The following ARHGEF10 variants were observed in gnomAD, a reference collection of about 807,000 sequenced individuals.
ARHGEF10 encodes the protein Rho guanine nucleotide exchange factor (GEF) 10.
A neutral mutation model predicts 147.4 loss-of-function variants in ARHGEF10; 140 were observed. The ratio of observed to expected loss-of-function variants is 0.95; its 90% CI spans 0.83 to 1.09. The LOEUF (loss-of-function observed/expected upper bound fraction) is 1.09. ARHGEF10 is among the 50% of genes least tolerant of loss of function. The pLI is 0.00. For missense variants in ARHGEF10, 2,222 were observed against 1,752.7 expected, an observed-to-expected ratio of 1.27 and a Z score of -4.78; for synonymous variants, 902 against 695.8, an observed-to-expected ratio of 1.30 and a Z score of -4.67.
intron 15 of ARHGEF10, among the ~76,000 whole-genome samples, chr8:1,901,392 C>T (rs1179501215): frequency 6.6e-6 from 1 of 152,168 alleles, no homozygotes; most frequent in Non-Finnish European, 1.5e-5. Context: ...AAGACAGGTG[C>T]TGTGAAGCCA....
In ARHGEF10 at chr8:1,864,211, T is replaced by C. The variant is rs953137439; in HGVS notation, c.482-162T>C. 3.3e-5 allele frequency among the ~76,000 whole-genome samples: 5 copies of C among 152,368 alleles called. No homozygotes were observed. In the South Asian group the frequency reaches 8.3e-4, roughly 25 times the overall value. Reference sequence around the variant, plus strand: ...TTAGATTCCAGTCTTGAATACATTTTATCTAAGAGCTAAAAATTTTTAAGT... The same window carrying C: ...TTAGATTCCAGTCTTGAATACATTTCATCTAAGAGCTAAAAATTTTTAAGT... On this transcript the variant is annotated intron_variant, in intron 4 of 28. Coordinates refer to ENST00000349830, the MANE Select transcript of ARHGEF10 (RefSeq NM_014629.4).
intron 27 of ARHGEF10, among the ~76,000 whole-genome samples, chr8:1,951,336 C>T (rs972480741): frequency 6.6e-6 from 1 of 152,232 alleles, no homozygotes; most frequent in Non-Finnish European, 1.5e-5. Context: ...GTAACAGCAC[C>T]GGCTTACGTA....
At chr8:1,869,776 G>C in intron 7 of ARHGEF10, 1 of 202,286 alleles carries the variant, frequency 4.9e-6, no homozygotes, top group South Asian at 7.8e-5. Context: ...CAACTGGAGA[G>C]AAAACATGGC....
intron 4 of ARHGEF10, among the ~76,000 whole-genome samples, chr8:1,862,864 C>T (rs1165814304): frequency 4.0e-5 from 6 of 150,874 alleles, no homozygotes; most frequent in Admixed American, 1.3e-4. Context: ...CTGCAAGCTC[C>T]GCCTCCCGGG....
In ARHGEF10 at chr8:1,906,444, A is replaced by G. The variant is rs527326400; in HGVS notation, c.1967+728A>G. Among the ~76,000 whole-genome samples the G allele has an allele frequency of 2.6e-5, 4 of 152,266 alleles. No homozygotes were observed. In the South Asian group the frequency reaches 6.2e-4, roughly 24 times the overall value. The stretch of plus-strand genomic sequence containing the variant: ...TACAGCATGGAATTTGCCCAACACG[A>G]TGTGTTAGGAGCCTGTCCTCCCAGT... On this transcript the variant is annotated intron_variant, in intron 17 of 28. Coordinates refer to ENST00000349830, the MANE Select transcript of ARHGEF10 (RefSeq NM_014629.4).
chr8:1,912,586 G>A (rs1462382733), intron 18 of ARHGEF10, among the ~76,000 whole-genome samples: 3 of 112,708 alleles, frequency 2.7e-5, no homozygotes, highest in Non-Finnish European at 4.0e-5. Context: ...CTGCAAAAGC[G>A]CCATGTGGAT....
intron 11 of ARHGEF10, among the ~76,000 whole-genome samples, chr8:1,887,819 G>T (rs1808821074): frequency 6.8e-6 from 1 of 147,810 alleles, no homozygotes; most frequent in African/African-American, 2.5e-5. Flanking sequence ...AGATGCTGAG[G>T]AGAGGTGAAA....
Position 1,937,180 on chromosome 8 carries a change from T to C in ARHGEF10, c.3222+3238T>C, listed in dbSNP as rs1209409857. Among the ~76,000 whole-genome samples the C allele has an allele frequency of 6.6e-6, 1 of 152,164 alleles. No individual in the cohort carries two copies. The highest frequency in any genetic ancestry group is 1.5e-5 in the Non-Finnish European group (1 of 68,036). On this transcript the variant is annotated intron_variant, in intron 26 of 28. Coordinates refer to ENST00000349830, the MANE Select transcript of ARHGEF10 (RefSeq NM_014629.4). This position sits in a 1 kb window ranked among gnomAD's most constrained non-coding sequence, Gnocchi z 4.9. ...TTTGGCAGTATTGTTCCTGTTACTT[T>C]TCATATCCATCTGACACTTCTTATT...
Position 1,823,988 on chromosome 8 carries a change from G to GACGCGGGGC in ARHGEF10, c.-165_-164insCACGCGGGG, listed in dbSNP as rs1802571535. On this transcript the variant is annotated 5_prime_UTR_variant, in exon 1 of 29. Transcript: ENST00000349830. ...ATCCGGGACGGACGGGGTCGCGGGG[G>GACGCGGGGC]ACGCGGGGGACGCGGGGGACGGCGG... 1 of 116,784 alleles carries GACGCGGGGC rather than the reference G, an allele frequency of 8.6e-6. No individual in the cohort carries two copies. The highest frequency in any genetic ancestry group is 3.6e-5 in the African/African-American group (1 of 27,756). 7.2% of individuals were successfully genotyped at this position (116,784 alleles called of 1,614,324 possible).
At chr8:1,889,400 A>G (rs1279458012) in intron 11 of ARHGEF10, among the ~76,000 whole-genome samples, 1 of 70,892 alleles carries the variant, frequency 1.4e-5, no homozygotes, top group Non-Finnish European at 2.6e-5. Flanking sequence ...GATGTGAGGC[A>G]TCTGTGAGGA....
At chr8:1,852,872 G>C (rs1805251527) in intron 2 of ARHGEF10, among the ~76,000 whole-genome samples, 1 of 152,208 alleles carries the variant, frequency 6.6e-6, no homozygotes, top group East Asian at 1.9e-4. Context: ...GGCTGCTGCT[G>C]TCGGTCAGCA....
At chr8:1,842,169 T>G (rs113741889) in intron 1 of ARHGEF10, among the ~76,000 whole-genome samples, 1 of 149,916 alleles carries the variant, frequency 6.7e-6, no homozygotes, top group African/African-American at 2.5e-5. Context: ...GTCTGGGGGA[T>G]GGAGGGAGAG....
At chr8:1,833,193 A>T (rs62648756) in intron 1 of ARHGEF10, among the ~76,000 whole-genome samples, 1 of 35,790 alleles carries the variant, frequency 2.8e-5, no homozygotes, top group Non-Finnish European at 5.5e-5. Context: ...CAGAGACAGA[A>T]GCAGAGACAG....
At chr8:1,825,223 C>T (rs182017207) in intron 1 of ARHGEF10, among the ~76,000 whole-genome samples, 1 of 2,320 alleles carries the variant, frequency 4.3e-4, no homozygotes, top group Non-Finnish European at 6.6e-4. Context: ...CACCTGTCCC[C>T]CCGCACCCCA....
At chr8:1,940,087 GT>G (rs1377321535) in intron 26 of ARHGEF10, among the ~76,000 whole-genome samples, 1 of 152,142 alleles carries the variant, frequency 6.6e-6, no homozygotes. Context: ...CATGGGTTTG[GT>G]TTTTTTAAAT....
Position 1,898,536 on chromosome 8 carries a change from C to T in ARHGEF10, c.1650+11C>T, listed in dbSNP as rs1469812351. 3.7e-6 allele frequency: 6 copies of T among 1,611,188 alleles called. No homozygotes were observed. The African/African-American group carries it at 4.0e-5, about 11-fold the overall frequency. ...ATCCTCCTGCTCCAGGTAAGTGCTT[C>T]ACGGAGACCTCCTCAAGCTAGTCCT... On this transcript the variant is annotated intron_variant, in intron 15 of 28. Coordinates refer to ENST00000349830, the MANE Select transcript of ARHGEF10 (RefSeq NM_014629.4).
intron 4 of ARHGEF10, among the ~76,000 whole-genome samples, chr8:1,862,935 C>T (rs1183560236): frequency 1.3e-5 from 2 of 151,692 alleles, no homozygotes; most frequent in African/African-American, 2.4e-5. Context: ...CCCGCCACCA[C>T]GCCCGGCTAA....
chr8:1,899,555 A>G lies in ARHGEF10; in HGVS notation c.1650+1030A>G, dbSNP rs1188409987. On this transcript the variant is annotated intron_variant, in intron 15 of 28. Transcript: ENST00000349830. ...ACATTCTTTTTAAATAAATGTAGTC[A>G]TCAAAGTATGAAAAAGGATACATAC... Among the ~76,000 whole-genome samples the G allele has an allele frequency of 2.6e-5, 4 of 152,230 alleles. No homozygotes were observed. The East Asian group carries it at 5.8e-4, about 22-fold the overall frequency.
intron 26 of ARHGEF10, among the ~76,000 whole-genome samples, chr8:1,940,771 C>T (rs1033341128): frequency 2.0e-5 from 3 of 152,058 alleles, no homozygotes; most frequent in Admixed American, 1.3e-4. Context: ...GGATTGTGTA[C>T]CCTGGAAAAA....
Sources: gnomAD v4.1 joint callset for allele counts (sites outside exome capture counted in the v4.1 genomes callset) on GRCh38, gnomAD v4.1.1 for gene constraint, Gnocchi (gnomAD v3.1) non-coding constraint, MANE v1.5 for transcripts, NCBI Gene and HGNC (gene_info 2026-07-23, HGNC 2026-07-21) for gene names.